SLC25A21: variants seen among roughly 807,000 people sequenced by gnomAD.
The protein encoded by SLC25A21 is mitochondrial 2-oxodicarboxylate carrier.
Under a neutral mutation model 43.8 loss-of-function variants are expected in SLC25A21, and 47 were observed. The observed-to-expected ratio is 1.07, with a 90% CI of 0.85 to 1.37. SLC25A21 has a LOEUF of 1.37. Among genes scored for constraint, SLC25A21 ranks in the 40% most tolerant of loss-of-function variants. The pLI is 0.00. For missense variants in SLC25A21, 352 were observed against 350.2 expected (o/e 1.00, Z -0.04); for synonymous variants, 131 against 121.3 (o/e 1.08, Z -0.52).
In SLC25A21 at chr14:37,013,721, A is replaced by C. The variant is rs576911805; in HGVS notation, c.71-138717T>G. On this transcript the variant is annotated intron_variant, in intron 1 of 9. Coordinates refer to ENST00000331299, the MANE Select transcript of SLC25A21 (RefSeq NM_030631.4). ...ATAAGTCATCCAGTAACAAATGGTGAGTAGGCCAGCGTTTATTTCCTTATT... is the reference window on the plus strand; with the variant it reads ...ATAAGTCATCCAGTAACAAATGGTGCGTAGGCCAGCGTTTATTTCCTTATT... 9.9e-5 allele frequency among the ~76,000 whole-genome samples: 15 copies of C among 152,256 alleles called. No homozygotes were observed. The East Asian group carries it at 2.9e-3, about 29-fold the overall frequency.
At position 36,820,689 on chromosome 14, in the gene SLC25A21, G is replaced by A. The variant is rs1451892553; in HGVS notation, c.120-6688C>T. On this transcript the variant is annotated intron_variant, in intron 2 of 9. Transcript: ENST00000331299. ...ATATTTGAGTTTGTTAGCCATAAGAGAGAATAGACCTTGCCTTTTGTATTC... is the reference window on the plus strand; with the variant it reads ...ATATTTGAGTTTGTTAGCCATAAGAAAGAATAGACCTTGCCTTTTGTATTC... Among the ~76,000 whole-genome samples, 4 of 152,202 alleles carry A rather than the reference G, an allele frequency of 2.6e-5. No individual in the cohort carries two copies. In the East Asian group the frequency reaches 7.7e-4, roughly 29 times the overall value.
At chr14:36,926,702 G>T (rs186566459) in intron 1 of SLC25A21, among the ~76,000 whole-genome samples, 1 of 152,264 alleles carries the variant, frequency 6.6e-6, no homozygotes, top group East Asian at 1.9e-4. Flanking sequence ...AGTAGTTTGG[G>T]TATTTAACTA....
chr14:36,825,186 T>G (rs1175953110), intron 2 of SLC25A21, among the ~76,000 whole-genome samples: 3 of 152,214 alleles, frequency 2.0e-5, no homozygotes, highest in Admixed American at 2.0e-4. Flanking sequence ...AAGTGCGTAC[T>G]GAATGCCTGA....
intron 1 of SLC25A21, among the ~76,000 whole-genome samples, chr14:36,998,585 C>A (rs527491102): frequency 6.6e-6 from 1 of 151,924 alleles, no homozygotes; most frequent in South Asian, 2.1e-4. Flanking sequence ...ATGGAGAAAT[C>A]AGATACAAAT....
chr14:37,045,654 A>T (rs1418830506), intron 1 of SLC25A21, among the ~76,000 whole-genome samples: 1 of 152,168 alleles, frequency 6.6e-6, no homozygotes, highest in Non-Finnish European at 1.5e-5. Flanking sequence ...CTCCGTTTGG[A>T]CCTGGAAGGT....
chr14:36,789,929 A>G (rs927334385), intron 3 of SLC25A21, among the ~76,000 whole-genome samples: 3 of 125,852 alleles, frequency 2.4e-5, no homozygotes, highest in Admixed American at 1.0e-4. Context: ...ATATTTATAT[A>G]TTATATATAA....
chr14:36,743,166 T>A (rs1253821898), intron 3 of SLC25A21, among the ~76,000 whole-genome samples: 3 of 152,010 alleles, frequency 2.0e-5, no homozygotes, highest in Non-Finnish European at 4.4e-5. Context: ...AGAACCCTGA[T>A]GGAAAACACT....
At chr14:36,804,931 G>A (rs1002789411) in intron 3 of SLC25A21, among the ~76,000 whole-genome samples, 2 of 152,140 alleles carry the variant, frequency 1.3e-5, no homozygotes, top group African/African-American at 4.8e-5. Context: ...TGTACTTCTA[G>A]CCCATAAGAA....
At chr14:37,154,469 ATC>A (rs57438482) in intron 1 of SLC25A21, among the ~76,000 whole-genome samples, 46,611 of 146,430 alleles carry the variant, frequency 0.32, 7,253 homozygotes, top group African/African-American at 0.38. Context: ...ATAAAAAAAA[ATC>A]AATGAAATAT....
intron 1 of SLC25A21, among the ~76,000 whole-genome samples, chr14:37,055,387 T>C (rs185048782): frequency 1.4e-4 from 22 of 152,318 alleles, no homozygotes; most frequent in Non-Finnish European, 2.9e-5. Flanking sequence ...GTAGATCATA[T>C]GTGGCCAGAT....
chr14:36,679,313 CTTTTA>C lies in SLC25A21; in HGVS notation c.*1340_*1344del, dbSNP rs1882077402. Reference sequence around the variant, plus strand: ...TATGTATATACAGTATGTCAAAAGCCTTTTATTTTTATACTTCAAATGCTCTAAAT... The same window carrying C: ...TATGTATATACAGTATGTCAAAAGCCTTTTTATACTTCAAATGCTCTAAAT... On this transcript the variant is annotated 3_prime_UTR_variant, in exon 10 of 10. Coordinates refer to ENST00000331299, the MANE Select transcript of SLC25A21 (RefSeq NM_030631.4). 1.0e-6 allele frequency: 1 copy of C among 973,594 alleles called. No individual in the cohort carries two copies. Among genetic ancestry groups the C allele is most frequent in the Non-Finnish European group, 1.2e-6 (1 of 819,302 alleles). 60.3% of individuals were successfully genotyped at this position (973,594 alleles called of 1,614,324 possible).
At chr14:37,148,289 A>T (rs1283672767) in intron 1 of SLC25A21, among the ~76,000 whole-genome samples, 1 of 152,124 alleles carries the variant, frequency 6.6e-6, no homozygotes, top group Non-Finnish European at 1.5e-5. Context: ...GATGTCCTTG[A>T]GTTTATAAGG....
In SLC25A21 at chr14:36,745,564, T is replaced by C. The variant is rs557125077; in HGVS notation, c.204-10991A>G. Among the ~76,000 whole-genome samples the C allele has an allele frequency of 1.5e-4, 23 of 152,336 alleles. No individual in the cohort carries two copies. In the East Asian group the frequency reaches 4.4e-3, roughly 29 times the overall value. Reference sequence around the variant, plus strand: ...ACTGGCATGAGATGGTATCTCATTGTGGTTTTGATTTGCATTTCTCTGATG... The same window carrying C: ...ACTGGCATGAGATGGTATCTCATTGCGGTTTTGATTTGCATTTCTCTGATG... On this transcript the variant is annotated intron_variant, in intron 3 of 9. Coordinates refer to ENST00000331299, the MANE Select transcript of SLC25A21 (RefSeq NM_030631.4).
chr14:37,001,037 C>T (rs1471224114), intron 1 of SLC25A21, among the ~76,000 whole-genome samples: 3 of 152,168 alleles, frequency 2.0e-5, no homozygotes. Flanking sequence ...AGCAGCCTCA[C>T]CACCACTGTG....
At chr14:36,795,139 T>C (rs1208087971) in intron 3 of SLC25A21, among the ~76,000 whole-genome samples, 1 of 152,236 alleles carries the variant, frequency 6.6e-6, no homozygotes, top group Non-Finnish European at 1.5e-5. Flanking sequence ...TAAATTGCTC[T>C]TTTTGTTATG....
At chr14:36,939,312 G>C (rs75934735) in intron 1 of SLC25A21, among the ~76,000 whole-genome samples, 1 of 151,996 alleles carries the variant, frequency 6.6e-6, no homozygotes, top group Non-Finnish European at 1.5e-5. Context: ...CAGGGGTGGG[G>C]GGGGAATGTA....
intron 1 of SLC25A21, among the ~76,000 whole-genome samples, chr14:37,078,662 C>T (rs1344406831): frequency 6.6e-6 from 1 of 152,140 alleles, no homozygotes; most frequent in African/African-American, 2.4e-5. Flanking sequence ...TCCCTATCTC[C>T]AAAGGATTTG....
At chr14:36,706,685 G>T (rs552891799) in intron 7 of SLC25A21, among the ~76,000 whole-genome samples, 18 of 152,156 alleles carry the variant, frequency 1.2e-4, no homozygotes, top group Admixed American at 9.2e-4. Flanking sequence ...GCATCCTTCT[G>T]AACCCCCTAC....
intron 3 of SLC25A21, among the ~76,000 whole-genome samples, chr14:36,743,476 C>T (rs1194116336): frequency 6.6e-6 from 1 of 151,928 alleles, no homozygotes; most frequent in Non-Finnish European, 1.5e-5. Flanking sequence ...GACTGAAAAC[C>T]AGGAAAGACA....
Sources: gnomAD v4.1 joint callset for allele counts (sites outside exome capture counted in the v4.1 genomes callset) on GRCh38, gnomAD v4.1.1 for gene constraint, MANE v1.5 for transcripts, NCBI Gene and HGNC (gene_info 2026-07-23, HGNC 2026-07-21) for gene names.